TENM3: variants seen among roughly 807,000 people sequenced by gnomAD.
TENM3 encodes the protein teneurin-3.
A neutral mutation model predicts 255.1 loss-of-function variants in TENM3; 63 were observed. The ratio of observed to expected loss-of-function variants is 0.25; its 90% CI spans 0.20 to 0.30. The LOEUF (loss-of-function observed/expected upper bound fraction) is 0.30. Among genes scored for constraint, TENM3 ranks in the 10% least tolerant of loss-of-function variants. TENM3 has a pLI of 1.00. For synonymous variants in TENM3, 1,306 were observed against 1,322.3 expected, an observed-to-expected ratio of 0.99 and a Z score of 0.27; for missense variants, 2,929 against 3,461.1, an observed-to-expected ratio of 0.85 and a Z score of 3.86.
At chr4:181,917,889 T>C in the TENM3 span, among the ~76,000 whole-genome samples, 1 of 152,126 alleles carries the variant, frequency 6.6e-6, no homozygotes, top group Non-Finnish European at 1.5e-5. Context: ...CTCAAACTCC[T>C]GACCTCAAAT....
chr4:181,624,801 A>G, the TENM3 span, among the ~76,000 whole-genome samples: 1 of 152,120 alleles, frequency 6.6e-6, no homozygotes, highest in Non-Finnish European at 1.5e-5. Context: ...CTTCTCTTGG[A>G]TCTGCTGAGC....
At chr4:182,293,339 G>A (rs1761244230) in intron 1 of TENM3, among the ~76,000 whole-genome samples, 1 of 152,098 alleles carries the variant, frequency 6.6e-6, no homozygotes. Flanking sequence ...AACGACAGCA[G>A]GTCCCTTATC....
At chr4:181,883,078 T>C in the TENM3 span, among the ~76,000 whole-genome samples, 7 of 151,980 alleles carry the variant, frequency 4.6e-5, no homozygotes. Flanking sequence ...TCATTTTGTA[T>C]TCAGAAGCAG....
At chr4:181,909,672 A>G in the TENM3 span, among the ~76,000 whole-genome samples, 1 of 152,190 alleles carries the variant, frequency 6.6e-6, no homozygotes, top group African/African-American at 2.4e-5. Flanking sequence ...ATATGATGCA[A>G]TGAACAAGAG....
intron 3 of TENM3, among the ~76,000 whole-genome samples, chr4:182,351,555 C>T (rs1212816323): frequency 6.6e-6 from 1 of 152,168 alleles, no homozygotes; most frequent in Non-Finnish European, 1.5e-5. Flanking sequence ...GGGCGGAGCT[C>T]TCCTGTTGGA....
At chr4:182,685,688 A>G (rs114941242) in intron 11 of TENM3, among the ~76,000 whole-genome samples, 2,900 of 152,224 alleles carry the variant, frequency 0.019, 94 homozygotes, top group African/African-American at 0.066. Flanking sequence ...TTAGGCCTCC[A>G]TCAGTAAAAC....
At chr4:182,163,447 C>T (rs1751494507) in intron 1 of TENM3, among the ~76,000 whole-genome samples, 1 of 152,186 alleles carries the variant, frequency 6.6e-6, no homozygotes, top group South Asian at 2.1e-4. Context: ...CATTTCCAAG[C>T]ACGAGGCGAG....
At chr4:181,987,550 C>G in the TENM3 span, among the ~76,000 whole-genome samples, 4 of 152,112 alleles carry the variant, frequency 2.6e-5, no homozygotes, top group African/African-American at 9.7e-5. Flanking sequence ...AAACCTGAAT[C>G]ACTAGAAACC....
chr4:182,437,487 A>G (rs1331366545), intron 3 of TENM3, among the ~76,000 whole-genome samples: 1 of 2,794 alleles, frequency 3.6e-4, no homozygotes, highest in African/African-American at 3.8e-4. Context: ...TGTCTCTACA[A>G]AAAATACAAA....
upstream of TENM3, among the ~76,000 whole-genome samples, chr4:182,140,886 G>A (rs2149532377): frequency 6.6e-6 from 1 of 152,346 alleles, no homozygotes; most frequent in Non-Finnish European, 1.5e-5. Context: ...CGGGGAGGCG[G>A]TGGAGCAGCA....
chr4:181,718,776 G>T, the TENM3 span, among the ~76,000 whole-genome samples: 1 of 152,244 alleles, frequency 6.6e-6, no homozygotes, highest in East Asian at 1.9e-4. Context: ...ATTCCTGAAG[G>T]CAAGGATTAG....
At chr4:181,486,910 T>C in the TENM3 span, among the ~76,000 whole-genome samples, 7,823 of 152,218 alleles carry the variant, frequency 0.051, 349 homozygotes, top group South Asian at 0.15. Flanking sequence ...AATCTTCTAA[T>C]AGAAAGTTAT....
At chr4:182,329,406 G>A (rs1199856341) in intron 2 of TENM3, among the ~76,000 whole-genome samples, 2 of 152,198 alleles carry the variant, frequency 1.3e-5, no homozygotes, top group Non-Finnish European at 2.9e-5. Flanking sequence ...AGCCTGAACA[G>A]ATGCATTTCT....
chr4:181,452,846 G>A, the TENM3 span, among the ~76,000 whole-genome samples: 5 of 152,188 alleles, frequency 3.3e-5, no homozygotes, highest in African/African-American at 1.2e-4. Context: ...GACTTCATTG[G>A]TTTGGTGGCA....
At chr4:182,659,891 C>T (rs1232328023) in intron 6 of TENM3, among the ~76,000 whole-genome samples, 5 of 152,138 alleles carry the variant, frequency 3.3e-5, no homozygotes, top group Non-Finnish European at 5.9e-5. Context: ...CACACAGAGA[C>T]AAGGAGTGTA....
At chr4:182,275,896 A>T (rs1759965156) in intron 1 of TENM3, among the ~76,000 whole-genome samples, 1 of 152,180 alleles carries the variant, frequency 6.6e-6, no homozygotes, top group African/African-American at 2.4e-5. Flanking sequence ...AGCCATGATC[A>T]TGCCACTGCA....
the TENM3 span, among the ~76,000 whole-genome samples, chr4:182,065,792 A>G: frequency 6.6e-6 from 1 of 152,220 alleles, no homozygotes; most frequent in African/African-American, 2.4e-5. Context: ...TGTGGCTGAC[A>G]GGAGGACCAA....
chr4:181,925,034 G>A, the TENM3 span, among the ~76,000 whole-genome samples: 1,033 of 152,276 alleles, frequency 6.8e-3, 16 homozygotes, highest in African/African-American at 0.024. Flanking sequence ...GTGACAGAGC[G>A]TCTTCTATTC....
chr4:181,494,206 G>T, the TENM3 span, among the ~76,000 whole-genome samples: 3 of 152,254 alleles, frequency 2.0e-5, no homozygotes, highest in Admixed American at 2.0e-4. Context: ...TCCATCAGTG[G>T]TCCATGAATT....
Sources: allele counts gnomAD v4.1 joint callset (sites outside exome capture counted in the v4.1 genomes callset), GRCh38; gene constraint gnomAD v4.1.1; transcripts MANE v1.5; gene names NCBI Gene and HGNC (gene_info 2026-07-23, HGNC 2026-07-21).